The following NME8 variants were observed in gnomAD, a reference collection of about 807,000 sequenced individuals.
NME8 encodes NME/NM23 family member 8, also known as protein NME8.
Under a neutral mutation model 82.3 loss-of-function variants are expected in NME8, and 72 were observed. The observed-to-expected ratio is 0.87, with a 90% CI of 0.72 to 1.06. The LOEUF is 1.06. Among genes scored for constraint, NME8 ranks in the 50% least tolerant of loss-of-function variants. The pLI is 0.00. For synonymous variants in NME8, 267 were observed against 228.5 expected (o/e 1.17, Z -1.52); for missense variants, 712 against 685.4 (o/e 1.04, Z -0.43).
intron 6 of NME8, 94 bp from the exon 7 acceptor site, chr7:37,861,934 G>GA: frequency 1.2e-6 from 1 of 821,344 alleles, no homozygotes; most frequent in Non-Finnish European, 2.2e-6. Flanking sequence ...TGAGAGTAGG[G>GA]TAGAAGGGAG....
rs373433456 is a variant in NME8, at chr7:37,848,656, G to A, written c.-313G>A. On this transcript the variant is annotated 5_prime_UTR_variant, in exon 1 of 18. Transcript: ENST00000199447. Reference sequence around the variant, plus strand: ...CTTGTGATGGTGGAACCAGGACTTCGTTGTTCCTTCATTGTGTGGGCAGAA... The same window carrying A: ...CTTGTGATGGTGGAACCAGGACTTCATTGTTCCTTCATTGTGTGGGCAGAA... The A allele has an allele frequency of 2.6e-5, 4 of 152,488 alleles. No homozygotes were observed. The highest frequency in any genetic ancestry group is 9.6e-5 in the African/African-American group (4 of 41,572). 9.4% of individuals were successfully genotyped at this position (152,488 alleles called of 1,614,324 possible). A position where few individuals can be genotyped will look rare whatever the true frequency, so the allele number is the denominator to read the frequency against.
At position 37,865,625 on chromosome 7, in the gene NME8, A is replaced by G; in HGVS notation, c.621+8A>G. The G allele has an allele frequency of 6.3e-7, 1 of 1,593,358 alleles. No homozygotes were observed. The highest frequency in any genetic ancestry group is 8.6e-7 in the Non-Finnish European group (1 of 1,161,318). On this transcript the variant is annotated splice_region_variant and intron_variant, in intron 10 of 17. Coordinates refer to ENST00000199447, the MANE Select transcript of NME8 (RefSeq NM_016616.5). ...AGTCGAATAGCAGACCAGGTATGAA[A>G]GTTAAAAAGAAAAAATCCTCTATGT...
intron 17 of NME8, among the ~76,000 whole-genome samples, chr7:37,898,380 A>C (rs1785261983): frequency 6.6e-6 from 1 of 152,200 alleles, no homozygotes; most frequent in Admixed American, 6.5e-5. Context: ...GTGTATTCCC[A>C]AAAGAACTGA....
At chr7:37,856,778 A>C (rs1407483406) in intron 5 of NME8, among the ~76,000 whole-genome samples, 1 of 152,142 alleles carries the variant, frequency 6.6e-6, no homozygotes, top group Non-Finnish European at 1.5e-5. Flanking sequence ...TGACAGAGGG[A>C]GATGAGATAC....
chr7:37,889,394 G>T (rs1785095057), intron 15 of NME8, among the ~76,000 whole-genome samples: 1 of 150,040 alleles, frequency 6.7e-6, no homozygotes, highest in South Asian at 2.1e-4. Context: ...CTATTTTCTA[G>T]TAGTTTTTTC....
chr7:37,899,763 G>A (rs62445993), intron 17 of NME8, among the ~76,000 whole-genome samples: 4,286 of 152,200 alleles, frequency 0.028, 98 homozygotes, highest in East Asian at 0.088. Context: ...CAAACAAAAT[G>A]TAACAATACC....
In NME8 at chr7:37,873,799, A is replaced by G. The variant is rs572870962; in HGVS notation, c.819-3033A>G. 5.9e-5 allele frequency among the ~76,000 whole-genome samples: 9 copies of G among 152,360 alleles called. No individual in the cohort carries two copies. In the South Asian group the frequency reaches 1.2e-3, roughly 21 times the overall value. On this transcript the variant is annotated intron_variant, in intron 11 of 17. Transcript: ENST00000199447. Reference sequence around the variant, plus strand: ...AACTCCAAGAGTACATAGGCGCATTATCACTAATGTTGATTAGGAGTGCTG... The same window carrying G: ...AACTCCAAGAGTACATAGGCGCATTGTCACTAATGTTGATTAGGAGTGCTG...
chr7:37,867,698 G>T lies in NME8; in HGVS notation c.622-4G>T, dbSNP rs1300577501. 6.2e-7 allele frequency: 1 copy of T among 1,608,490 alleles called. No individual in the cohort carries two copies. Among genetic ancestry groups the T allele is most frequent in the Non-Finnish European group, 8.5e-7 (1 of 1,175,114 alleles). Reference sequence around the variant, plus strand: ...AGGAAACAGTTTATCATTTTATTTTGTAGTGTGACTTCGAAGAGTTTGTCT... The same window carrying T: ...AGGAAACAGTTTATCATTTTATTTTTTAGTGTGACTTCGAAGAGTTTGTCT... On this transcript the variant is annotated splice_polypyrimidine_tract_variant and splice_region_variant and intron_variant, in intron 10 of 17. Coordinates refer to ENST00000199447, the MANE Select transcript of NME8 (RefSeq NM_016616.5).
chr7:37,895,951 T>C (rs1785221684), intron 16 of NME8, among the ~76,000 whole-genome samples: 1 of 152,156 alleles, frequency 6.6e-6, no homozygotes, highest in South Asian at 2.1e-4. Flanking sequence ...CTAGGATGTT[T>C]GCACTACAAT....
intron 5 of NME8, among the ~76,000 whole-genome samples, chr7:37,853,110 C>G (rs1412715400): frequency 6.6e-6 from 1 of 152,040 alleles, no homozygotes; most frequent in Non-Finnish European, 1.5e-5. Context: ...ACTTATTTGC[C>G]ATCTGTATAT....
chr7:37,900,000 G>A (rs1785290052), intron 17 of NME8, among the ~76,000 whole-genome samples: 2 of 152,300 alleles, frequency 1.3e-5, no homozygotes, highest in South Asian at 4.1e-4. Flanking sequence ...GGGTTGGGTA[G>A]AAATCTTACT....
chr7:37,864,293 T>C lies in NME8; in HGVS notation c.455-55T>C. The C allele has an allele frequency of 2.6e-6, 4 of 1,547,990 alleles. No homozygotes were observed. The South Asian group carries it at 4.6e-5, about 18-fold the overall frequency. On this transcript the variant is annotated intron_variant, in intron 8 of 17. Coordinates refer to ENST00000199447, the MANE Select transcript of NME8 (RefSeq NM_016616.5). Reference sequence around the variant, plus strand: ...TTGCTAATTGCCAGATCCTTCATTATCCAGACTTCGTGCCAAGAAAATGAA... The same window carrying C: ...TTGCTAATTGCCAGATCCTTCATTACCCAGACTTCGTGCCAAGAAAATGAA...
At chr7:37,897,448 A>C (rs1032886402) in intron 17 of NME8, among the ~76,000 whole-genome samples, 22 of 152,184 alleles carry the variant, frequency 1.4e-4, no homozygotes, top group African/African-American at 5.1e-4. Flanking sequence ...AGCCTCATGC[A>C]GTCCCTCTAC....
intron 10 of NME8, 106 bp from the exon 11 acceptor site, chr7:37,867,596 A>G: frequency 5.0e-6 from 4 of 793,036 alleles, no homozygotes; most frequent in African/African-American, 1.7e-5. Flanking sequence ...TCCTTTGCCC[A>G]GGGACCATGG....
chr7:37,894,578 C>G lies in NME8; in HGVS notation c.1512C>G (p.Asp504Glu). ...EKIYPKVTGK[D>E]FYKDLLEMLS... is the part of the protein sequence containing the mutation. ...TTTATCCAAAAGTAACAGGAAAAGA[C>G]TTTTATAAAGATTTATTGGAAATGT... is the stretch of plus-strand genomic sequence containing the variant. Residue 504 changes from aspartate (D) to glutamate (E), a missense_variant, in exon 16 of 18, where the codon GAC becomes GAG. By Grantham distance (45) the Asp-to-Glu change is conservative (BLOSUM62 2). Transcript: ENST00000199447. 6.3e-7 allele frequency: 1 copy of G among 1,597,752 alleles called. No homozygotes were observed. The highest frequency in any genetic ancestry group is 8.6e-7 in the Non-Finnish European group (1 of 1,165,672).
intron 7 of NME8, among the ~76,000 whole-genome samples, chr7:37,862,381 T>C (rs1784609654): frequency 6.6e-6 from 1 of 152,232 alleles, no homozygotes; most frequent in Non-Finnish European, 1.5e-5. Flanking sequence ...GCAATGCATG[T>C]GTATATATAT....
At chr7:37,859,466 C>T (rs1784566952) in intron 6 of NME8, among the ~76,000 whole-genome samples, 1 of 152,190 alleles carries the variant, frequency 6.6e-6, no homozygotes, top group South Asian at 2.1e-4. Flanking sequence ...TACCTTAGTT[C>T]TACCTTCTTC....
At position 37,888,347 on chromosome 7, in the gene NME8, G is replaced by T. The variant is rs746117435; in HGVS notation, c.1318G>T (p.Ala440Ser). 3.1e-6 allele frequency: 5 copies of T among 1,613,326 alleles called. No homozygotes were observed. The highest frequency in any genetic ancestry group is 4.2e-6 in the Non-Finnish European group (5 of 1,179,576). ...GTATGGCAGCGATTCATTAGAAACCGCTGAAAGGGAAATACAGCATTTCTT... is the reference window on the plus strand; with the variant it reads ...GTATGGCAGCGATTCATTAGAAACCTCTGAAAGGGAAATACAGCATTTCTT... ...QLYGSDSLET[A>S]EREIQHFFPL... is the part of the protein sequence containing the mutation. The change falls in exon 15 of 18, where the codon GCT (alanine) becomes TCT (serine). Residue 440 changes from alanine to serine, a missense_variant. By Grantham distance (99) the Ala-to-Ser change is moderately conservative (BLOSUM62 1). Transcript: ENST00000199447.
Position 37,862,022 on chromosome 7 carries a change from T to C in NME8, c.271-6T>C, listed in dbSNP as rs759261323. 2 of 1,599,188 alleles carry C rather than the reference T, an allele frequency of 1.3e-6. No homozygotes were observed. The highest frequency in any genetic ancestry group is 1.7e-6 in the Non-Finnish European group (2 of 1,166,470). On this transcript the variant is annotated splice_region_variant and splice_polypyrimidine_tract_variant and intron_variant, in intron 6 of 17. Transcript: ENST00000199447. Reference sequence around the variant, plus strand: ...AGTTCCCCTCCTGTTTTCATTTCCCTTATAGAATGGCAAAATTATCGAAAA... The same window carrying C: ...AGTTCCCCTCCTGTTTTCATTTCCCCTATAGAATGGCAAAATTATCGAAAA...
Sources: allele counts gnomAD v4.1 joint callset (sites outside exome capture counted in the v4.1 genomes callset), GRCh38; gene constraint gnomAD v4.1.1; transcripts MANE v1.5; gene names NCBI Gene and HGNC (gene_info 2026-07-23, HGNC 2026-07-21).